The following TMEM132D variants were observed in gnomAD, a reference collection of about 807,000 sequenced individuals.
TMEM132D encodes transmembrane protein 132D.
A neutral mutation model predicts 62.3 loss-of-function variants in TMEM132D; 21 were observed. The ratio of observed to expected loss-of-function variants is 0.34; its 90% CI spans 0.24 to 0.49. TMEM132D has a LOEUF of 0.49. TMEM132D is among the 20% of genes least tolerant of loss of function. The probability of loss-of-function intolerance (pLI) is 0.99; values close to 1 mark genes in which losing one functional copy is unlikely to be tolerated. For synonymous variants in TMEM132D, 621 were observed against 575.6 expected (o/e 1.08, Z -1.13); for missense variants, 1,346 against 1,402.8 (o/e 0.96, Z 0.65).
intron 1 of TMEM132D, among the ~76,000 whole-genome samples, chr12:129,770,237 G>A (rs1386868999): frequency 5.7e-5 from 8 of 140,030 alleles, no homozygotes; most frequent in African/African-American, 2.1e-4. Context: ...TCTGACTCCT[G>A]GGTTCAAGCG....
intron 2 of TMEM132D, among the ~76,000 whole-genome samples, chr12:129,592,414 C>T (rs545654665): frequency 2.6e-5 from 4 of 152,264 alleles, no homozygotes; most frequent in African/African-American, 9.6e-5. Context: ...TTGAAATCTT[C>T]CCTTTCACAG....
intron 2 of TMEM132D, among the ~76,000 whole-genome samples, chr12:129,676,629 A>C (rs2137204455): frequency 6.6e-6 from 1 of 152,250 alleles, no homozygotes; most frequent in East Asian, 1.9e-4. Context: ...CAGAGTGAGA[A>C]CTCACTTATT....
chr12:129,530,954 T>C (rs1593053478), intron 3 of TMEM132D, 105 bp downstream of exon 3: 5 of 1,263,436 alleles, frequency 4.0e-6, no homozygotes, highest in Middle Eastern at 2.0e-4. Context: ...ACACACCAAA[T>C]GCAAACCACA....
intron 1 of TMEM132D, among the ~76,000 whole-genome samples, chr12:129,736,124 C>T (rs1869415633): frequency 5.8e-5 from 1 of 17,124 alleles, no homozygotes; most frequent in African/African-American, 2.0e-4. Flanking sequence ...CCTTTCATTT[C>T]CATTGTTTCC....
intron 1 of TMEM132D, among the ~76,000 whole-genome samples, chr12:129,844,479 A>G (rs1873296058): frequency 6.6e-6 from 1 of 152,308 alleles, no homozygotes; most frequent in South Asian, 2.1e-4. Flanking sequence ...CCCAATGTTT[A>G]GGGAGATTAT....
intron 1 of TMEM132D, among the ~76,000 whole-genome samples, chr12:129,818,736 C>A (rs67720816): frequency 0.34 from 51,589 of 151,604 alleles, 9,008 homozygotes; most frequent in African/African-American, 0.42. Context: ...TGAATTAGTG[C>A]CACTTAAAGT....
chr12:129,815,437 C>T (rs925353751), intron 1 of TMEM132D, among the ~76,000 whole-genome samples: 2 of 152,220 alleles, frequency 1.3e-5, no homozygotes, highest in South Asian at 2.1e-4. Flanking sequence ...TAGAATTGCA[C>T]GTGTGCAGAA....
intron 3 of TMEM132D, among the ~76,000 whole-genome samples, chr12:129,449,613 G>A (rs1460604698): frequency 6.6e-6 from 1 of 152,118 alleles, no homozygotes; most frequent in Non-Finnish European, 1.5e-5. Flanking sequence ...AGATGGTATC[G>A]ACCACCAAAT....
At chr12:129,861,245 T>C (rs565985868) in intron 1 of TMEM132D, among the ~76,000 whole-genome samples, 1 of 152,260 alleles carries the variant, frequency 6.6e-6, no homozygotes, top group South Asian at 2.1e-4. Flanking sequence ...ATAAGAAACA[T>C]AGAGGATGTG....
intron 2 of TMEM132D, among the ~76,000 whole-genome samples, chr12:129,665,161 C>A (rs1473139692): frequency 1.3e-5 from 2 of 152,042 alleles, no homozygotes; most frequent in East Asian, 3.9e-4. Flanking sequence ...CTCAAACTTA[C>A]CAGTGAGGTC....
At chr12:129,305,431 T>C (rs1027832635) in intron 4 of TMEM132D, among the ~76,000 whole-genome samples, 1 of 152,182 alleles carries the variant, frequency 6.6e-6, no homozygotes, top group African/African-American at 2.4e-5. Context: ...TCATGCCACC[T>C]GCAAATAGCA....
At chr12:129,179,288 G>A (rs977651704) in intron 5 of TMEM132D, among the ~76,000 whole-genome samples, 1 of 152,186 alleles carries the variant, frequency 6.6e-6, no homozygotes, top group African/African-American at 2.4e-5. Context: ...CTTTGCAGAT[G>A]TGGGGAAGGG....
chr12:129,337,530 T>C (rs1869330964), intron 4 of TMEM132D, 104 bp downstream of exon 4: 1 of 1,403,688 alleles, frequency 7.1e-7, no homozygotes, highest in Middle Eastern at 1.8e-4. Flanking sequence ...GTCCTGATTC[T>C]TGGCTCCTCC....
intron 1 of TMEM132D, among the ~76,000 whole-genome samples, chr12:129,800,133 G>C (rs933327450): frequency 2.0e-5 from 3 of 152,186 alleles, no homozygotes; most frequent in Non-Finnish European, 2.9e-5. Flanking sequence ...CTCCTAACAA[G>C]AGAGTCTCTT....
intron 1 of TMEM132D, among the ~76,000 whole-genome samples, chr12:129,778,100 G>C (rs567616542): frequency 8.3e-6 from 1 of 120,064 alleles, no homozygotes; most frequent in Admixed American, 1.0e-4. Flanking sequence ...GGGCAACAGA[G>C]TGAGACCCTG....
chr12:129,763,411 A>G, intron 1 of TMEM132D, among the ~76,000 whole-genome samples: 1 of 145,758 alleles, frequency 6.9e-6, no homozygotes. Flanking sequence ...AGAAATTTCC[A>G]GTGAGGATCT....
chr12:129,764,570 A>G (rs1306037807), intron 1 of TMEM132D, among the ~76,000 whole-genome samples: 2 of 135,050 alleles, frequency 1.5e-5, no homozygotes, highest in African/African-American at 2.8e-5. Flanking sequence ...GTGCACGTGC[A>G]TGTGTATTTG....
At chr12:129,412,993 GA>G (rs1276416924) in intron 3 of TMEM132D, among the ~76,000 whole-genome samples, 2 of 152,092 alleles carry the variant, frequency 1.3e-5, no homozygotes, top group Non-Finnish European at 2.9e-5. Flanking sequence ...ATTTCCATGA[GA>G]AAAATAATCT....
chr12:129,828,689 AAG>A (rs1872728003), intron 1 of TMEM132D, among the ~76,000 whole-genome samples: 1 of 4,626 alleles, frequency 2.2e-4, no homozygotes, highest in African/African-American at 5.9e-4. Flanking sequence ...GGGAGGAAGG[AAG>A]GGAGGGAGGG....
Sources: allele counts gnomAD v4.1 joint callset (sites outside exome capture counted in the v4.1 genomes callset), GRCh38; gene constraint gnomAD v4.1.1; transcripts MANE v1.5; gene names NCBI Gene and HGNC (gene_info 2026-07-23, HGNC 2026-07-21).